Variants in PCBD2 observed in about 807,000 individuals in gnomAD.
PCBD2 encodes pterin-4-alpha-carbinolamine dehydratase 2.
In PCBD2, 12 loss-of-function variants were observed where a neutral mutation model predicts 16.4. That is an observed-to-expected ratio of 0.73 (90% CI 0.47 to 1.19). The LOEUF is 1.19. PCBD2 is among the 50% of genes most tolerant of loss of function. The probability of loss-of-function intolerance (pLI) is 0.00; values close to 1 mark genes in which losing one functional copy is unlikely to be tolerated. For synonymous variants in PCBD2, 58 were observed against 61.8 expected, an observed-to-expected ratio of 0.94 and a Z score of 0.29; for missense variants, 138 against 156.8, an observed-to-expected ratio of 0.88 and a Z score of 0.64.
chr5:134,920,376 T>G (rs1479536807), intron 2 of PCBD2, among the ~76,000 whole-genome samples: 1 of 152,244 alleles, frequency 6.6e-6, no homozygotes, highest in African/African-American at 2.4e-5. Flanking sequence ...ATAGAAAGGT[T>G]GTTTTTTTGA....
chr5:134,941,184 C>G (rs902299813), intron 2 of PCBD2, among the ~76,000 whole-genome samples: 2 of 150,492 alleles, frequency 1.3e-5, no homozygotes, highest in East Asian at 1.9e-4. Flanking sequence ...CTTTCCACAG[C>G]ACACACTGCC....
At chr5:134,951,353 C>T (rs1751356942) in intron 2 of PCBD2, among the ~76,000 whole-genome samples, 1 of 151,958 alleles carries the variant, frequency 6.6e-6, no homozygotes, top group Non-Finnish European at 1.5e-5. Flanking sequence ...TAAATGGTTT[C>T]CTTGTTCTGC....
chr5:134,927,998 T>G, intron 2 of PCBD2: 1 of 396,212 alleles, frequency 2.5e-6, no homozygotes. Flanking sequence ...GTCATGTCAG[T>G]GGTAGTAATA....
At chr5:134,948,051 C>T (rs751838387) in intron 2 of PCBD2, among the ~76,000 whole-genome samples, 1 of 151,842 alleles carries the variant, frequency 6.6e-6, no homozygotes, top group Non-Finnish European at 1.5e-5. Flanking sequence ...TATTTTGACA[C>T]CAGGGAACTC....
Position 134,934,863 on chromosome 5 carries a change from A to G in PCBD2, c.217-24177A>G, listed in dbSNP as rs554986345. ...TCACAGCAGCTTACCATAAATTTACATGGTAACTAGGATTATATCTGTCAA... is the reference window on the plus strand; with the variant it reads ...TCACAGCAGCTTACCATAAATTTACGTGGTAACTAGGATTATATCTGTCAA... On this transcript the variant is annotated intron_variant, in intron 2 of 3. Transcript: ENST00000254908. Among the ~76,000 whole-genome samples, 3 of 152,330 alleles carry G rather than the reference A, an allele frequency of 2.0e-5. No individual in the cohort carries two copies. The South Asian group carries it at 6.2e-4, about 32-fold the overall frequency.
chr5:134,924,308 A>G, intron 2 of PCBD2: 1 of 391,332 alleles, frequency 2.6e-6, no homozygotes, highest in Non-Finnish European at 4.5e-6. Flanking sequence ...ATTTGGGGGG[A>G]ATGATGGTTG....
intron 2 of PCBD2, among the ~76,000 whole-genome samples, chr5:134,949,504 A>G (rs556728990): frequency 1.3e-5 from 2 of 152,358 alleles, no homozygotes; most frequent in South Asian, 2.1e-4. Flanking sequence ...CTGAGGTCAT[A>G]TAGCTAGTGA....
At chr5:134,932,977 G>A (rs1370464383) in intron 2 of PCBD2, among the ~76,000 whole-genome samples, 2 of 152,060 alleles carry the variant, frequency 1.3e-5, no homozygotes, top group Non-Finnish European at 2.9e-5. Flanking sequence ...TAACATTTGA[G>A]TGGCATGTTC....
At chr5:134,953,284 G>C (rs2149540151) in intron 2 of PCBD2, among the ~76,000 whole-genome samples, 1 of 150,476 alleles carries the variant, frequency 6.6e-6, no homozygotes. Flanking sequence ...TACTTAACTG[G>C]GAATGTTTAT....
intron 2 of PCBD2, among the ~76,000 whole-genome samples, chr5:134,944,577 T>C (rs1342285171): frequency 6.6e-6 from 1 of 151,990 alleles, no homozygotes; most frequent in Non-Finnish European, 1.5e-5. Flanking sequence ...CAAAAGACTG[T>C]GGTTTATAAC....
chr5:134,942,386 G>C (rs1197014015), intron 2 of PCBD2, among the ~76,000 whole-genome samples: 1 of 152,022 alleles, frequency 6.6e-6, no homozygotes, highest in Non-Finnish European at 1.5e-5. Flanking sequence ...AAATAGGAAT[G>C]ATAAACCTGT....
intron 2 of PCBD2, among the ~76,000 whole-genome samples, chr5:134,921,600 T>A (rs1347549959): frequency 1.3e-5 from 2 of 152,074 alleles, no homozygotes; most frequent in Non-Finnish European, 2.9e-5. Flanking sequence ...TCCCACCAGT[T>A]TAGGGTGTCT....
At chr5:134,907,046 C>G (rs535389658) in intron 1 of PCBD2, among the ~76,000 whole-genome samples, 1 of 152,324 alleles carries the variant, frequency 6.6e-6, no homozygotes, top group African/African-American at 2.4e-5. Flanking sequence ...GTGCATACCA[C>G]TGATCTTAGC....
chr5:134,906,029 C>T (rs1034423851), intron 1 of PCBD2, among the ~76,000 whole-genome samples: 14 of 151,436 alleles, frequency 9.2e-5, no homozygotes, highest in Middle Eastern at 3.4e-3. Flanking sequence ...CGTGCCATTT[C>T]GCCCAGGTAA....
intron 3 of PCBD2, 116 bp downstream of exon 3, chr5:134,959,236 C>G: frequency 2.8e-6 from 2 of 725,408 alleles, no homozygotes; most frequent in Non-Finnish European, 4.4e-6. Flanking sequence ...CTTATCCTTT[C>G]TCTCAGAATC....
Position 134,945,651 on chromosome 5 carries a change from A to G in PCBD2, c.217-13389A>G, listed in dbSNP as rs558959891. Reference sequence around the variant, plus strand: ...CACAGAGACTTAAAATTTTTCATTTATATTCAAGATTCAGCTAAGTTTGGC... The same window carrying G: ...CACAGAGACTTAAAATTTTTCATTTGTATTCAAGATTCAGCTAAGTTTGGC... On this transcript the variant is annotated intron_variant, in intron 2 of 3. Coordinates refer to ENST00000254908, the MANE Select transcript of PCBD2 (RefSeq NM_032151.5). 3.9e-5 allele frequency among the ~76,000 whole-genome samples: 6 copies of G among 152,356 alleles called. No individual in the cohort carries two copies. In the South Asian group the frequency reaches 1.2e-3, roughly 32 times the overall value.
At chr5:134,945,759 G>A (rs905203189) in intron 2 of PCBD2, among the ~76,000 whole-genome samples, 42 of 152,160 alleles carry the variant, frequency 2.8e-4, no homozygotes, top group African/African-American at 9.9e-4. Context: ...AACCGCTTCA[G>A]TGTCCCAAAG....
rs112153571 is a variant in PCBD2, at chr5:134,942,196, GA to G, written c.217-16834del. ...TGCTAAAATTTACTTTTAAGTAAAA[GA>G]AAAAAAAAATGGAAAAAGTATAATC... On this transcript the variant is annotated intron_variant, in intron 2 of 3. Coordinates refer to ENST00000254908, the MANE Select transcript of PCBD2 (RefSeq NM_032151.5). Among the ~76,000 whole-genome samples the G allele has an allele frequency of 4.4e-3, 619 of 141,050 alleles. 13 individuals are homozygous for G. The highest frequency in any genetic ancestry group is 0.041 in the East Asian group (198 of 4,858). The allele number at this position is 141,050 out of a possible 152,430, so 92.5% of individuals were successfully genotyped here.
chr5:134,907,450 C>G (rs1750709399), intron 1 of PCBD2, among the ~76,000 whole-genome samples: 1 of 151,924 alleles, frequency 6.6e-6, no homozygotes, highest in Admixed American at 6.6e-5. Flanking sequence ...ACCATCTTGG[C>G]CAGGCTGGCC....
Sources: allele counts gnomAD v4.1 joint callset (sites outside exome capture counted in the v4.1 genomes callset), GRCh38; gene constraint gnomAD v4.1.1; transcripts MANE v1.5; gene names NCBI Gene and HGNC (gene_info 2026-07-23, HGNC 2026-07-21).